Variants in TBXAS1 observed in about 807,000 individuals in gnomAD.
TBXAS1 encodes the protein thromboxane-A synthase.
A neutral mutation model predicts 60.7 loss-of-function variants in TBXAS1; 48 were observed. That is an observed-to-expected ratio of 0.79 (90% CI 0.63 to 1.01). The LOEUF (loss-of-function observed/expected upper bound fraction) is 1.01. TBXAS1 is among the 50% of genes least tolerant of loss of function. TBXAS1 has a pLI of 0.00. For synonymous variants in TBXAS1, 287 were observed against 269.7 expected, an observed-to-expected ratio of 1.06 and a Z score of -0.63; for missense variants, 685 against 686.3, an observed-to-expected ratio of 1.00 and a Z score of 0.02.
chr7:139,817,330 C>T lies in TBXAS1; in HGVS notation c.-79-11982C>T, dbSNP rs185426072. ...CTGCCCACCTGTACATGCATGCACA[C>T]GTGCCTGCTCCACAAGACGCCGCCA... On this transcript the variant is annotated intron_variant, in intron 4 of 16. Transcript: ENST00000336425. 3.9e-5 allele frequency among the ~76,000 whole-genome samples: 6 copies of T among 152,156 alleles called. No homozygotes were observed. In the East Asian group the frequency reaches 5.8e-4, roughly 15 times the overall value.
At chr7:139,887,246 G>A (rs980955810) in intron 3 of TBXAS1, among the ~76,000 whole-genome samples, 5 of 152,100 alleles carry the variant, frequency 3.3e-5, no homozygotes, top group African/African-American at 1.2e-4. Context: ...TTTGGCTGGA[G>A]GACATTATTT....
intron 3 of TBXAS1, among the ~76,000 whole-genome samples, chr7:139,897,572 A>G (rs532727395): frequency 6.1e-4 from 93 of 152,260 alleles, no homozygotes; most frequent in African/African-American, 2.0e-3. Flanking sequence ...AATGATGGAG[A>G]CAGAAACCTC....
At chr7:139,929,721 T>A (rs1344307922) in intron 4 of TBXAS1, among the ~76,000 whole-genome samples, 1 of 152,162 alleles carries the variant, frequency 6.6e-6, no homozygotes, top group African/African-American at 2.4e-5. Context: ...CCACCTCATA[T>A]CCAATCCATC....
intron 4 of TBXAS1, among the ~76,000 whole-genome samples, chr7:139,935,676 C>T (rs1032604214): frequency 5.9e-5 from 9 of 151,772 alleles, no homozygotes; most frequent in South Asian, 2.1e-4. Context: ...TCCTAGCACA[C>T]GCTTCTGAAG....
At chr7:139,967,835 T>C (rs77984096) in intron 9 of TBXAS1, among the ~76,000 whole-genome samples, 2,172 of 152,270 alleles carry the variant, frequency 0.014, 61 homozygotes, top group African/African-American at 0.05. Flanking sequence ...GATTAGAAGT[T>C]CCCACCTCTC....
rs781580989 is a variant in TBXAS1 at position 139,859,449 on chromosome 7, G to A, written c.90-12786G>A. Among the ~76,000 whole-genome samples, 76 of 151,012 alleles carry A rather than the reference G, an allele frequency of 5.0e-4. 1 individual carries two copies. Among genetic ancestry groups the A allele is most frequent in the Non-Finnish European group, 8.9e-5 (6 of 67,788 alleles). On this transcript the variant is annotated intron_variant, in intron 1 of 12. Transcript: ENST00000448866. ...TCTCAATCTTCTTACCTCGTGATCCGCCCACCTCAGCCTCCTAAAGTGCTG... is the reference window on the plus strand; with the variant it reads ...TCTCAATCTTCTTACCTCGTGATCCACCCACCTCAGCCTCCTAAAGTGCTG...
intron 1 of TBXAS1, among the ~76,000 whole-genome samples, chr7:139,841,895 C>G (rs534612447): frequency 2.0e-5 from 3 of 152,132 alleles, no homozygotes; most frequent in African/African-American, 7.2e-5. Flanking sequence ...GCACTTGGTG[C>G]TTAGATGTGG....
chr7:139,941,325 G>A (rs1315585240), intron 5 of TBXAS1, among the ~76,000 whole-genome samples: 3 of 152,092 alleles, frequency 2.0e-5, no homozygotes, highest in East Asian at 1.9e-4. Flanking sequence ...TTTGGATGGC[G>A]TTGTCTTCGT....
In TBXAS1 at chr7:140,001,330, A is replaced by T. The variant is rs888878257; in HGVS notation, c.1135-5761A>T. Among the ~76,000 whole-genome samples, 2 of 152,104 alleles carry T rather than the reference A, an allele frequency of 1.3e-5. 1 individual carries two copies. Among genetic ancestry groups the T allele is most frequent in the Non-Finnish European group, 2.9e-5 (2 of 68,006 alleles). On this transcript the variant is annotated intron_variant, in intron 9 of 12. Transcript: ENST00000448866. The stretch of plus-strand genomic sequence containing the variant: ...TTCTGCTCAGTCCCCCACATTTTTG[A>T]GACACTCCAGGCCCAGCAGACCCAC...
At chr7:139,995,118 C>T (rs1042103293) in intron 9 of TBXAS1, among the ~76,000 whole-genome samples, 1 of 152,044 alleles carries the variant, frequency 6.6e-6, no homozygotes, top group Admixed American at 6.5e-5. Context: ...AAACACATCT[C>T]GTATTCTATA....
At chr7:139,877,728 C>CTTTTT (rs902893678) in intron 3 of TBXAS1, among the ~76,000 whole-genome samples, 2 of 97,688 alleles carry the variant, frequency 2.0e-5, no homozygotes, top group Non-Finnish European at 2.1e-5. Context: ...CAGTCTATTG[C>CTTTTT]TTTTTTTTTT....
intron 1 of TBXAS1, among the ~76,000 whole-genome samples, chr7:139,836,462 A>T (rs556016222): frequency 1.3e-3 from 191 of 152,354 alleles, no homozygotes; most frequent in African/African-American, 4.3e-3. Flanking sequence ...ACTGGTATAA[A>T]AATAGGCACA....
chr7:139,972,201 C>A (rs1336195592), intron 9 of TBXAS1, among the ~76,000 whole-genome samples: 3 of 152,234 alleles, frequency 2.0e-5, no homozygotes, highest in Non-Finnish European at 4.4e-5. Flanking sequence ...AAAGAGAAGT[C>A]TCTCCCAGGA....
At chr7:139,878,943 A>G (rs1004080113) in intron 3 of TBXAS1, among the ~76,000 whole-genome samples, 3 of 152,178 alleles carry the variant, frequency 2.0e-5, no homozygotes, top group African/African-American at 7.2e-5. Context: ...TTGGCACTGA[A>G]TGTTGGGAGA....
intron 4 of TBXAS1, among the ~76,000 whole-genome samples, chr7:139,794,351 T>C (rs2116327392): frequency 6.6e-6 from 1 of 152,174 alleles, no homozygotes; most frequent in South Asian, 2.1e-4. Flanking sequence ...CCATCTACCT[T>C]GGCCTCCCAA....
chr7:140,007,266 C>T, intron 10 of TBXAS1, 84 bp downstream of exon 10: 1 of 1,230,202 alleles, frequency 8.1e-7, no homozygotes, highest in Non-Finnish European at 1.2e-6. Context: ...GGCCCTCCTC[C>T]ATCAGTTACC....
intron 9 of TBXAS1, among the ~76,000 whole-genome samples, chr7:139,981,204 T>C (rs896544840): frequency 2.2e-4 from 33 of 152,144 alleles, no homozygotes; most frequent in African/African-American, 7.0e-4. Context: ...ACCTCCCGGG[T>C]TCAAGTGATT....
At chr7:139,841,385 A>T (rs1446297537) in intron 1 of TBXAS1, among the ~76,000 whole-genome samples, 1 of 152,212 alleles carries the variant, frequency 6.6e-6, no homozygotes, top group African/African-American at 2.4e-5. Context: ...ACAAAACATT[A>T]GGAGTGTGAA....
intron 5 of TBXAS1, chr7:139,952,426 A>G: frequency 8.5e-7 from 1 of 1,181,618 alleles, no homozygotes; most frequent in South Asian, 1.8e-5. Flanking sequence ...TCAAATCTAA[A>G]CATAGGTTAC....
Sources: allele counts gnomAD v4.1 joint callset (sites outside exome capture counted in the v4.1 genomes callset), GRCh38; gene constraint gnomAD v4.1.1; transcripts MANE v1.5; gene names NCBI Gene and HGNC (gene_info 2026-07-23, HGNC 2026-07-21).